Variants in COL14A1 observed in about 807,000 individuals in gnomAD.
COL14A1 encodes the protein collagen type XIV alpha 1 chain.
COL14A1 carries 136 observed loss-of-function variants against 230.3 expected under a neutral mutation model. The observed-to-expected ratio is 0.59, with a 90% CI of 0.51 to 0.68. The LOEUF (loss-of-function observed/expected upper bound fraction) is 0.68, where lower values mean the gene tolerates loss of function less well. Ranked by LOEUF, COL14A1 falls within the 30% of genes least tolerant of loss-of-function variation. The pLI, the probability that COL14A1 is intolerant of heterozygous loss-of-function variation, is 0.00. For missense variants in COL14A1, 1,976 were observed against 2,215.8 expected (o/e 0.89, Z 2.17); for synonymous variants, 792 against 784.1 (o/e 1.01, Z -0.17).
chr8:120,223,601 C>T (rs747631737), intron 14 of COL14A1, among the ~76,000 whole-genome samples: 33 of 152,146 alleles, frequency 2.2e-4, no homozygotes, highest in Non-Finnish European at 3.8e-4. Context: ...AACCTGGAGG[C>T]GGAGGTTGCA....
At chr8:120,285,183 G>T (rs1250943716) in intron 32 of COL14A1, among the ~76,000 whole-genome samples, 4 of 151,678 alleles carry the variant, frequency 2.6e-5, no homozygotes, top group Non-Finnish European at 5.9e-5. Flanking sequence ...GCCAGGCACG[G>T]TGGCTCACGC....
At chr8:120,316,958 A>G (rs1427819504) in intron 40 of COL14A1, among the ~76,000 whole-genome samples, 1 of 152,206 alleles carries the variant, frequency 6.6e-6, no homozygotes, top group Non-Finnish European at 1.5e-5. Context: ...GCACAAATTC[A>G]TTTAAATCAT....
intron 1 of COL14A1, among the ~76,000 whole-genome samples, chr8:120,142,742 T>C (rs950220457): frequency 6.6e-6 from 1 of 152,188 alleles, no homozygotes; most frequent in African/African-American, 2.4e-5. Context: ...TGCAGGACCT[T>C]AACTTGAATA....
At chr8:120,170,249 A>T (rs1816053515) in intron 5 of COL14A1, among the ~76,000 whole-genome samples, 1 of 151,824 alleles carries the variant, frequency 6.6e-6, no homozygotes, top group Non-Finnish European at 1.5e-5. Flanking sequence ...TTGAGTGTTT[A>T]TCCCTTAATT....
chr8:120,208,362 G>A lies in COL14A1; in HGVS notation c.1321+1G>A, dbSNP rs775204866. On this transcript the variant is annotated splice_donor_variant, in intron 11 of 47. Coordinates refer to ENST00000297848, the MANE Select transcript of COL14A1 (RefSeq NM_021110.4). LOFTEE classifies it high-confidence loss of function. ...GGCCTACGGGGAACTGAAACTACAC[G>A]TATGTATTTAATTCTACCCCACTTC... The A allele has an allele frequency of 1.4e-5, 23 of 1,611,672 alleles. No individual in the cohort carries two copies. The highest frequency in any genetic ancestry group is 6.7e-5 in the African/African-American group (5 of 74,892).
At chr8:120,367,978 T>G (rs1823463246) in intron 46 of COL14A1, among the ~76,000 whole-genome samples, 3 of 151,502 alleles carry the variant, frequency 2.0e-5, no homozygotes, top group African/African-American at 7.3e-5. Flanking sequence ...GGTCTCAACT[T>G]CCTAAACAGA....
At chr8:120,196,257 C>T (rs1403661486) in intron 5 of COL14A1, among the ~76,000 whole-genome samples, 1 of 152,220 alleles carries the variant, frequency 6.6e-6, no homozygotes, top group East Asian at 1.9e-4. Flanking sequence ...GTTCCAAAAG[C>T]CCTTCCTACT....
chr8:120,257,003 A>G (rs892625259), intron 23 of COL14A1, among the ~76,000 whole-genome samples: 9 of 152,260 alleles, frequency 5.9e-5, no homozygotes, highest in East Asian at 5.8e-4. Flanking sequence ...AATAAGATTC[A>G]TAGTTTTTTA....
At chr8:120,306,575 G>C (rs1820864859) in intron 36 of COL14A1, among the ~76,000 whole-genome samples, 1 of 152,118 alleles carries the variant, frequency 6.6e-6, no homozygotes, top group African/African-American at 2.4e-5. Context: ...TAAAACTAAA[G>C]GATCTGTAGG....
chr8:120,197,840 A>G lies in COL14A1; in HGVS notation c.622A>G (p.Ile208Val). The G allele has an allele frequency of 6.2e-7, 1 of 1,613,758 alleles. No individual in the cohort carries two copies. The highest frequency in any genetic ancestry group is 8.5e-7 in the Non-Finnish European group (1 of 1,179,714). The change falls in exon 7 of 48, where the codon ATA becomes GTA. Residue 208 changes from isoleucine (I) to valine (V), a missense_variant. By Grantham distance (29) the Ile-to-Val change is conservative. Transcript: ENST00000297848. ...TGCACAGTATAGTGGTGACCCCAGAATAGAATGGCACTTGAATGCATTTAG... is the reference window on the plus strand; with the variant it reads ...TGCACAGTATAGTGGTGACCCCAGAGTAGAATGGCACTTGAATGCATTTAG... ...GLAQYSGDPR[I>V]EWHLNAFSTK...
intron 40 of COL14A1, among the ~76,000 whole-genome samples, chr8:120,320,928 C>T (rs988750716): frequency 6.6e-6 from 1 of 152,186 alleles, no homozygotes; most frequent in African/African-American, 2.4e-5. Flanking sequence ...TCATTGTTAT[C>T]CCCATTTTAC....
chr8:120,307,761 T>C (rs1448810661), intron 36 of COL14A1, among the ~76,000 whole-genome samples: 1 of 152,190 alleles, frequency 6.6e-6, no homozygotes, highest in Non-Finnish European at 1.5e-5. Context: ...AGTTTGATAA[T>C]ATTCAGGGTT....
At chr8:120,335,604 A>G (rs1169048083) in intron 42 of COL14A1, among the ~76,000 whole-genome samples, 1 of 152,184 alleles carries the variant, frequency 6.6e-6, no homozygotes, top group African/African-American at 2.4e-5. Context: ...ATGTCTGTCT[A>G]GGAAGGCATG....
chr8:120,194,047 CT>C (rs1319474243), intron 5 of COL14A1, among the ~76,000 whole-genome samples: 4 of 152,198 alleles, frequency 2.6e-5, no homozygotes, highest in East Asian at 1.9e-4. Flanking sequence ...GCACGGTGCG[CT>C]GCACCCACTG....
intron 19 of COL14A1, among the ~76,000 whole-genome samples, chr8:120,238,254 A>C (rs1409438270): frequency 1.3e-5 from 2 of 152,112 alleles, no homozygotes; most frequent in African/African-American, 4.8e-5. Flanking sequence ...TGAGAGTTTT[A>C]TCTAGAAACC....
At chr8:120,221,675 A>G (rs1013953072) in intron 14 of COL14A1, among the ~76,000 whole-genome samples, 1 of 152,144 alleles carries the variant, frequency 6.6e-6, no homozygotes, top group African/African-American at 2.4e-5. Flanking sequence ...ATATCTTTGC[A>G]AAATTCCTAT....
At chr8:120,202,192 T>C (rs896970263) in intron 8 of COL14A1, among the ~76,000 whole-genome samples, 3 of 152,220 alleles carry the variant, frequency 2.0e-5, no homozygotes, top group Admixed American at 6.5e-5. Flanking sequence ...TTTTCTGCTC[T>C]TGTTAATGAT....
chr8:120,349,929 A>C (rs1299655916), intron 45 of COL14A1, among the ~76,000 whole-genome samples: 1 of 144,392 alleles, frequency 6.9e-6, no homozygotes, highest in Non-Finnish European at 1.5e-5. Context: ...CAAGACACAT[A>C]ATTGTCAGAT....
At chr8:120,220,609 A>G (rs924845241) in intron 14 of COL14A1, among the ~76,000 whole-genome samples, 1 of 151,960 alleles carries the variant, frequency 6.6e-6, no homozygotes, top group Non-Finnish European at 1.5e-5. Flanking sequence ...TTTACACTCA[A>G]TATTTTCTGC....
Sources: gnomAD v4.1 joint callset for allele counts (sites outside exome capture counted in the v4.1 genomes callset) on GRCh38, gnomAD v4.1.1 for gene constraint, MANE v1.5 for transcripts, NCBI Gene and HGNC (gene_info 2026-07-23, HGNC 2026-07-21) for gene names.